Variants in RFX3 observed in about 807,000 individuals in gnomAD.
RFX3 encodes the protein regulatory factor X3.
In RFX3, 14 loss-of-function variants were observed where a neutral mutation model predicts 98.6. The ratio of observed to expected loss-of-function variants is 0.14; its 90% CI spans 0.09 to 0.22. RFX3 has a LOEUF of 0.22. RFX3 is among the 10% of genes least tolerant of loss of function. The pLI is 1.00. For missense variants in RFX3, 639 were observed against 926.9 expected (o/e 0.69, Z 4.03); for synonymous variants, 383 against 328.4 (o/e 1.17, Z -1.80).
intron 1 of RFX3, among the ~76,000 whole-genome samples, chr9:3,471,503 T>C (rs1236968373): frequency 6.6e-6 from 1 of 152,236 alleles, no homozygotes; most frequent in East Asian, 1.9e-4. Context: ...TTTCTATGCC[T>C]ACCCTGCTTA....
rs574108209 is a variant in RFX3, at chr9:3,223,707, T to G, written c.*1335A>C. 1 of 152,372 alleles carries G rather than the reference T, an allele frequency of 6.6e-6. No individual in the cohort carries two copies. Among genetic ancestry groups the G allele is most frequent in the Non-Finnish European group, 1.5e-5 (1 of 68,032 alleles). The allele number at this position is 152,372 out of a possible 1,614,324, so 9.4% of individuals were successfully genotyped here. On this transcript the variant is annotated 3_prime_UTR_variant, in exon 17 of 17. Coordinates refer to ENST00000617270, the MANE Select transcript of RFX3 (RefSeq NM_001282116.2). ...CTTTGAAGAACATGTCACCTGTCCT[T>G]ACTTCAGGAATCTGAAAATGACAGG...
intron 1 of RFX3, among the ~76,000 whole-genome samples, chr9:3,396,054 T>G (rs2131941350): frequency 6.6e-6 from 1 of 152,212 alleles, no homozygotes; most frequent in Non-Finnish European, 1.5e-5. Context: ...CTTTTTTTTT[T>G]TTATACTTTG....
intron 1 of RFX3, among the ~76,000 whole-genome samples, chr9:3,501,822 G>A (rs1816046197): frequency 6.6e-6 from 1 of 151,432 alleles, no homozygotes; most frequent in Non-Finnish European, 1.5e-5. Context: ...CTCCCAAAGT[G>A]CTGGAATTAC....
intron 1 of RFX3, among the ~76,000 whole-genome samples, chr9:3,425,154 G>A (rs777857921): frequency 3.3e-5 from 5 of 152,162 alleles, no homozygotes; most frequent in Non-Finnish European, 4.4e-5. Context: ...GGGAAGATGC[G>A]TTAAGTCCAG....
chr9:3,375,469 C>G (rs752033789), intron 2 of RFX3, among the ~76,000 whole-genome samples: 1 of 152,186 alleles, frequency 6.6e-6, no homozygotes, highest in Admixed American at 6.5e-5. Context: ...TTTCTCAATA[C>G]AAGCTGATAA....
intron 3 of RFX3, among the ~76,000 whole-genome samples, chr9:3,331,872 A>G (rs1239442048): frequency 6.6e-6 from 1 of 152,078 alleles, no homozygotes; most frequent in African/African-American, 2.4e-5. Flanking sequence ...AAGAATATTA[A>G]ATCTGGGTTT....
intron 15 of RFX3, among the ~76,000 whole-genome samples, chr9:3,233,370 G>T (rs942704297): frequency 1.3e-5 from 2 of 152,200 alleles, no homozygotes; most frequent in African/African-American, 2.4e-5. Flanking sequence ...GCTCAGCGTG[G>T]GAGAATGCAG....
At chr9:3,370,540 G>A (rs922932860) in intron 2 of RFX3, among the ~76,000 whole-genome samples, 1 of 151,540 alleles carries the variant, frequency 6.6e-6, no homozygotes, top group Non-Finnish European at 1.5e-5. Flanking sequence ...TTTGTTTCTG[G>A]GATCGAGGGA....
chr9:3,480,003 T>C (rs1849605663), intron 1 of RFX3, among the ~76,000 whole-genome samples: 1 of 152,234 alleles, frequency 6.6e-6, no homozygotes. Context: ...ACTGTCAAGG[T>C]AGGCCGAGAA....
At chr9:3,445,714 T>G (rs1409541738) in intron 1 of RFX3, among the ~76,000 whole-genome samples, 3 of 152,168 alleles carry the variant, frequency 2.0e-5, no homozygotes. Flanking sequence ...AAGTGTAAAC[T>G]TGTCAACGCG....
intron 15 of RFX3, among the ~76,000 whole-genome samples, chr9:3,246,107 A>AT (rs1820631020): frequency 6.6e-6 from 1 of 152,298 alleles, no homozygotes; most frequent in African/African-American, 2.4e-5. Flanking sequence ...ATTAGTCTGA[A>AT]TTTGCCTTTT....
At chr9:3,423,756 CATTTT>C (rs1463525171) in intron 1 of RFX3, among the ~76,000 whole-genome samples, 1 of 117,484 alleles carries the variant, frequency 8.5e-6, no homozygotes, top group Non-Finnish European at 1.8e-5. Context: ...GGGTATATTT[CATTTT>C]ATGTATTATA....
chr9:3,395,447 T>C, intron 2 of RFX3, 25 bp downstream of exon 2: 1 of 1,608,024 alleles, frequency 6.2e-7, no homozygotes, highest in Non-Finnish European at 8.5e-7. Context: ...TAACAGCATC[T>C]TTTCTAAGAG....
At chr9:3,412,566 T>C (rs1179029538) in intron 1 of RFX3, among the ~76,000 whole-genome samples, 1 of 152,180 alleles carries the variant, frequency 6.6e-6, no homozygotes, top group Non-Finnish European at 1.5e-5. Flanking sequence ...GGTAAATATG[T>C]TAGTAAAAGT....
At chr9:3,486,682 T>G (rs76880935) in intron 1 of RFX3, among the ~76,000 whole-genome samples, 3,135 of 152,242 alleles carry the variant, frequency 0.021, 111 homozygotes, top group African/African-American at 0.071. Flanking sequence ...AAACTCCGGA[T>G]TCATGCTCAT....
chr9:3,359,601 TTTTTTATA>T (rs2131363018), intron 2 of RFX3, among the ~76,000 whole-genome samples: 1 of 152,224 alleles, frequency 6.6e-6, no homozygotes, highest in South Asian at 2.1e-4. Context: ...AGCAGCAACA[TTTTTTATA>T]TTTGTTGGTA....
At chr9:3,323,630 A>T (rs1325426391) in intron 4 of RFX3, among the ~76,000 whole-genome samples, 5 of 152,198 alleles carry the variant, frequency 3.3e-5, no homozygotes, top group Non-Finnish European at 7.3e-5. Flanking sequence ...TAGATCTTGT[A>T]TGACATAGAA....
intron 1 of RFX3, chr9:3,489,254 C>G (rs1159026589): frequency 5.9e-6 from 1 of 170,024 alleles, no homozygotes; most frequent in Non-Finnish European, 1.2e-5. Context: ...AATTTGGATG[C>G]AAACATAACC....
At chr9:3,494,062 T>C (rs985777738) in intron 1 of RFX3, among the ~76,000 whole-genome samples, 2 of 152,152 alleles carry the variant, frequency 1.3e-5, no homozygotes, top group African/African-American at 2.4e-5. Flanking sequence ...AATTAATCTA[T>C]GTACTTAGTA....
Sources: gnomAD v4.1 joint callset for allele counts (sites outside exome capture counted in the v4.1 genomes callset) on GRCh38, gnomAD v4.1.1 for gene constraint, MANE v1.5 for transcripts, NCBI Gene and HGNC (gene_info 2026-07-23, HGNC 2026-07-21) for gene names.